Variants in TOM1L2 observed in about 807,000 individuals in gnomAD.
TOM1L2 encodes target of myb1 like 2 membrane trafficking protein.
Under a neutral mutation model 67.9 loss-of-function variants are expected in TOM1L2, and 31 were observed. The observed-to-expected ratio is 0.46, with a 90% confidence interval of 0.34 to 0.62. The LOEUF is 0.62. Ranked by LOEUF, TOM1L2 falls within the 20% of genes least tolerant of loss-of-function variation. TOM1L2 has a pLI of 0.01. For missense variants in TOM1L2, 606 were observed against 663.5 expected (o/e 0.91, Z 0.95); for synonymous variants, 256 against 254.0 (o/e 1.01, Z -0.07).
At chr17:17,871,175 C>T (rs1452197416) in intron 7 of TOM1L2, among the ~76,000 whole-genome samples, 3 of 150,710 alleles carry the variant, frequency 2.0e-5, no homozygotes, top group Non-Finnish European at 3.0e-5. Flanking sequence ...TCGAGACCAT[C>T]CTGGCTAATA....
intron 12 of TOM1L2, among the ~76,000 whole-genome samples, chr17:17,855,831 C>G (rs1294652760): frequency 6.6e-6 from 1 of 152,164 alleles, no homozygotes; most frequent in East Asian, 1.9e-4. Flanking sequence ...GGGACCAAGT[C>G]TAAAAGCCTT....
At chr17:17,964,957 A>G (rs956669273) in intron 1 of TOM1L2, among the ~76,000 whole-genome samples, 1 of 152,108 alleles carries the variant, frequency 6.6e-6, no homozygotes, top group African/African-American at 2.4e-5. Flanking sequence ...TGTCCAGGCA[A>G]TTAAGGACAA....
intron 1 of TOM1L2, among the ~76,000 whole-genome samples, chr17:17,939,892 G>A (rs1232207081): frequency 6.6e-6 from 1 of 152,134 alleles, no homozygotes; most frequent in Non-Finnish European, 1.5e-5. Flanking sequence ...AAATGGAAGT[G>A]TTAAGAATTC....
chr17:17,924,021 C>T (rs919925763), intron 1 of TOM1L2, among the ~76,000 whole-genome samples: 5 of 151,810 alleles, frequency 3.3e-5, no homozygotes, highest in African/African-American at 1.2e-4. Context: ...ACCTGTAATC[C>T]CAGCTACTCG....
intron 1 of TOM1L2, among the ~76,000 whole-genome samples, chr17:17,931,524 T>C (rs911391655): frequency 4.6e-5 from 7 of 152,114 alleles, no homozygotes; most frequent in East Asian, 1.9e-4. Context: ...GGGGGAGCAA[T>C]AGCTGGCACA....
intron 14 of TOM1L2, 49 bp downstream of exon 14, chr17:17,848,774 T>C (rs2035794347): frequency 3.1e-6 from 5 of 1,605,218 alleles, no homozygotes; most frequent in Middle Eastern, 1.8e-4. Flanking sequence ...CTGTGCAGCC[T>C]GCACAGAGGC....
At chr17:17,871,976 G>A in intron 7 of TOM1L2, 1 of 985,478 alleles carries the variant, frequency 1.0e-6, no homozygotes, top group Non-Finnish European at 1.2e-6. Context: ...CTCCTCTGTT[G>A]TGAATGGCTC....
chr17:17,965,115 C>T (rs1182771136), intron 1 of TOM1L2, among the ~76,000 whole-genome samples: 1 of 151,966 alleles, frequency 6.6e-6, no homozygotes, highest in Non-Finnish European at 1.5e-5. Flanking sequence ...CAATTCTGCA[C>T]AGAAGCGGGC....
chr17:17,911,411 G>C (rs1014799296), intron 1 of TOM1L2, among the ~76,000 whole-genome samples: 3 of 152,180 alleles, frequency 2.0e-5, no homozygotes, highest in African/African-American at 7.2e-5. Flanking sequence ...ACAATTATCC[G>C]TCCAGAGGGC....
intron 1 of TOM1L2, among the ~76,000 whole-genome samples, chr17:17,966,635 C>T (rs1445427830): frequency 6.6e-6 from 1 of 152,194 alleles, no homozygotes; most frequent in African/African-American, 2.4e-5. Flanking sequence ...ACATAAATGG[C>T]AGCACAGAAT....
At chr17:17,864,007 C>T (rs955383569) in intron 10 of TOM1L2, among the ~76,000 whole-genome samples, 3 of 151,874 alleles carry the variant, frequency 2.0e-5, no homozygotes, top group Admixed American at 6.6e-5. Flanking sequence ...CCTGGGACTA[C>T]AGGTGTGTGC....
At chr17:17,881,569 G>C (rs573528118) in intron 6 of TOM1L2, among the ~76,000 whole-genome samples, 11 of 152,336 alleles carry the variant, frequency 7.2e-5, no homozygotes, top group African/African-American at 2.6e-4. Context: ...AAAAGCCAGA[G>C]ACCTTCTTTC....
chr17:17,851,413 G>T (rs528398829), intron 12 of TOM1L2: 20 of 234,902 alleles, frequency 8.5e-5, no homozygotes, highest in African/African-American at 4.6e-4. Flanking sequence ...CGGGGTACAG[G>T]TGCTCAGAGG....
rs182598335 is a variant in TOM1L2, at chr17:17,957,857, G to C, written c.52+14405C>G. Among the ~76,000 whole-genome samples, 25 of 151,862 alleles carry C rather than the reference G, an allele frequency of 1.6e-4. No individual in the cohort carries two copies. The East Asian group carries it at 4.5e-3, about 27-fold the overall frequency. On this transcript the variant is annotated intron_variant, in intron 1 of 14. Transcript: ENST00000379504. ...TGGCTCACGACTGTAATCCCAGGCC[G>C]AGGTGGGCGGATCATGAGGTCCGGA... is the stretch of plus-strand genomic sequence containing the variant.
chr17:17,864,601 T>G (rs2036745549), intron 10 of TOM1L2, among the ~76,000 whole-genome samples: 1 of 151,176 alleles, frequency 6.6e-6, no homozygotes, highest in Non-Finnish European at 1.5e-5. Context: ...AACCTCCGCC[T>G]CCCGGGTTCA....
At chr17:17,874,245 C>T (rs559131061) in intron 7 of TOM1L2, among the ~76,000 whole-genome samples, 362 of 151,228 alleles carry the variant, frequency 2.4e-3, no homozygotes, top group Non-Finnish European at 4.2e-3. Context: ...TGAGCCACCA[C>T]GCCCAGCCAT....
intron 1 of TOM1L2, among the ~76,000 whole-genome samples, chr17:17,968,844 G>T (rs565395752): frequency 7.2e-5 from 11 of 152,048 alleles, no homozygotes; most frequent in African/African-American, 2.4e-4. Flanking sequence ...TAGGCCCAAT[G>T]ATATTGTTTT....
intron 1 of TOM1L2, among the ~76,000 whole-genome samples, chr17:17,945,290 ACTCTCT>A (rs945614441): frequency 4.1e-5 from 6 of 146,398 alleles, no homozygotes; most frequent in Non-Finnish European, 7.5e-5. Flanking sequence ...ACACACACAC[ACTCTCT>A]CTCTCTCTCT....
intron 2 of TOM1L2, among the ~76,000 whole-genome samples, chr17:17,903,463 A>T (rs943666581): frequency 1.3e-5 from 2 of 152,004 alleles, no homozygotes; most frequent in Non-Finnish European, 2.9e-5. Flanking sequence ...TACAAAAAAA[A>T]TTAGCTGGGC....
Sources: gnomAD v4.1 joint callset for allele counts (sites outside exome capture counted in the v4.1 genomes callset) on GRCh38, gnomAD v4.1.1 for gene constraint, MANE v1.5 for transcripts, NCBI Gene and HGNC (gene_info 2026-07-23, HGNC 2026-07-21) for gene names.